SCFD1: variants seen among roughly 807,000 people sequenced by gnomAD.
The protein encoded by SCFD1 is sec1 family domain containing 1, also known as sec1 family domain-containing protein 1.
A neutral mutation model predicts 103.2 loss-of-function variants in SCFD1; 37 were observed. The observed-to-expected ratio is 0.36, with a 90% CI of 0.28 to 0.47. The LOEUF (loss-of-function observed/expected upper bound fraction) is 0.47. Among genes scored for constraint, SCFD1 ranks in the 20% least tolerant of loss-of-function variants. The probability of loss-of-function intolerance (pLI) is 1.00; values close to 1 mark genes in which losing one functional copy is unlikely to be tolerated. For missense variants in SCFD1, 639 were observed against 761.2 expected, an observed-to-expected ratio of 0.84 and a Z score of 1.89; for synonymous variants, 264 against 245.0, an observed-to-expected ratio of 1.08 and a Z score of -0.73.
At chr14:30,671,678 A>G (rs1468891765) in intron 11 of SCFD1, among the ~76,000 whole-genome samples, 1 of 152,158 alleles carries the variant, frequency 6.6e-6, no homozygotes, top group African/African-American at 2.4e-5. Flanking sequence ...ACACTTGGAG[A>G]TAGCATAAAC....
intron 21 of SCFD1, among the ~76,000 whole-genome samples, chr14:30,720,106 G>A (rs1324055663): frequency 3.3e-5 from 5 of 152,102 alleles, no homozygotes; most frequent in African/African-American, 9.7e-5. Flanking sequence ...CCAAGCTTTC[G>A]TATCTTTGTA....
At chr14:30,684,373 G>C (rs970703031) in intron 14 of SCFD1, among the ~76,000 whole-genome samples, 1 of 152,204 alleles carries the variant, frequency 6.6e-6, no homozygotes, top group African/African-American at 2.4e-5. Flanking sequence ...ACTAGTTTTA[G>C]AAAGTGCTCC....
intron 15 of SCFD1, among the ~76,000 whole-genome samples, chr14:30,699,752 T>A (rs1890949987): frequency 6.6e-6 from 1 of 152,136 alleles, no homozygotes; most frequent in Non-Finnish European, 1.5e-5. Context: ...ATAACCCAAT[T>A]CCTAGGGTGA....
rs1035876683 is a variant in SCFD1, at chr14:30,634,781, C to T, written c.312+744C>T. ...TGTTGGTTTTCCTTGTCTTGCTTGT[C>T]GCTGCGCCTGTAGGCATCAAATCTA... is the stretch of plus-strand genomic sequence containing the variant. On this transcript the variant is annotated intron_variant, in intron 4 of 24. Transcript: ENST00000458591. 5.3e-5 allele frequency: 24 copies of T among 455,648 alleles called. 2 individuals carry two copies. The highest frequency in any genetic ancestry group is 2.3e-4 in the South Asian group (15 of 64,504). The allele number at this position is 455,648 out of a possible 1,614,324, so 28.2% of individuals were successfully genotyped here. A position where few individuals can be genotyped will look rare whatever the true frequency, so the allele number is the denominator to read the frequency against.
chr14:30,657,890 A>G (rs753154184), intron 10 of SCFD1, among the ~76,000 whole-genome samples: 5 of 152,168 alleles, frequency 3.3e-5, no homozygotes, highest in African/African-American at 4.8e-5. Context: ...CTTACAAACA[A>G]CTATGAAAAT....
chr14:30,726,927 C>T (rs1164573769), intron 23 of SCFD1, among the ~76,000 whole-genome samples: 1 of 152,050 alleles, frequency 6.6e-6, no homozygotes, highest in Non-Finnish European at 1.5e-5. Flanking sequence ...TAAGTTGTTG[C>T]CATTGAGTTT....
intron 10 of SCFD1, among the ~76,000 whole-genome samples, chr14:30,666,924 CAAA>C (rs201480764): frequency 6.7e-6 from 1 of 149,840 alleles, no homozygotes; most frequent in Non-Finnish European, 1.5e-5. Context: ...CCTACCAACC[CAAA>C]AAAAAAGTCC....
Position 30,702,355 on chromosome 14 carries a change from A to G in SCFD1, c.1470A>G (p.Leu490=). 6.3e-7 allele frequency: 1 copy of G among 1,588,488 alleles called. No individual in the cohort carries two copies. The highest frequency in any genetic ancestry group is 8.6e-7 in the Non-Finnish European group (1 of 1,164,422). ...LTDAGCNLNP[L]QYIKQWKAFT... is the part of the protein sequence containing the mutation. ...ATGCAGGATGCAACCTTAATCCTTTACAATATATCAAACAGTGGAAGTAAG... is the reference window on the plus strand; with the variant it reads ...ATGCAGGATGCAACCTTAATCCTTTGCAATATATCAAACAGTGGAAGTAAG... The change falls in exon 17 of 25, where the codon TTA becomes TTG. Residue 490 remains leucine, a synonymous_variant. Coordinates refer to ENST00000458591, the MANE Select transcript of SCFD1 (RefSeq NM_016106.4).
intron 14 of SCFD1, among the ~76,000 whole-genome samples, chr14:30,682,289 G>A (rs1471460549): frequency 1.3e-5 from 2 of 152,172 alleles, no homozygotes; most frequent in East Asian, 1.9e-4. Flanking sequence ...GAAGTAAAAT[G>A]AATTTTGTTC....
At chr14:30,724,818 G>T (rs983385320) in intron 23 of SCFD1, among the ~76,000 whole-genome samples, 2 of 152,006 alleles carry the variant, frequency 1.3e-5, no homozygotes, top group Non-Finnish European at 2.9e-5. Flanking sequence ...TATAGTTTTG[G>T]GTTTAACATT....
At chr14:30,630,423 A>G (rs1353246075) in intron 2 of SCFD1, 54 bp from the exon 3 acceptor site, 6 of 961,622 alleles carry the variant, frequency 6.2e-6, no homozygotes, top group Non-Finnish European at 8.5e-6. Context: ...GTCTTAATAT[A>G]GGTTCACTAT....
chr14:30,674,104 T>C, intron 13 of SCFD1, 107 bp downstream of exon 13: 1 of 708,014 alleles, frequency 1.4e-6, no homozygotes. Context: ...CTGTAGGCAA[T>C]AGCAAATATA....
intron 18 of SCFD1, among the ~76,000 whole-genome samples, chr14:30,707,618 A>G (rs1891560043): frequency 6.6e-6 from 1 of 152,214 alleles, no homozygotes. Flanking sequence ...TACTAGCTTT[A>G]AATTGGTTTT....
chr14:30,682,295 T>C (rs1041874243), intron 14 of SCFD1, among the ~76,000 whole-genome samples: 1 of 152,250 alleles, frequency 6.6e-6, no homozygotes, highest in Non-Finnish European at 1.5e-5. Flanking sequence ...AAATGAATTT[T>C]GTTCAAGATT....
intron 23 of SCFD1, among the ~76,000 whole-genome samples, chr14:30,727,773 C>A (rs972990743): frequency 5.9e-5 from 9 of 152,070 alleles, no homozygotes; most frequent in African/African-American, 2.2e-4. Flanking sequence ...AGAGGACTTA[C>A]CTGTGGAGCT....
chr14:30,720,521 C>T (rs534693729), intron 21 of SCFD1, among the ~76,000 whole-genome samples: 1 of 152,180 alleles, frequency 6.6e-6, no homozygotes, highest in South Asian at 2.1e-4. Flanking sequence ...GCGTGGGTTC[C>T]TCATCCATGG....
chr14:30,626,031 T>A (rs907628657), intron 1 of SCFD1, among the ~76,000 whole-genome samples: 1 of 152,000 alleles, frequency 6.6e-6, no homozygotes. Flanking sequence ...AGGGTGGTGG[T>A]GTCTTTATTG....
At chr14:30,682,197 T>A (rs983300274) in intron 14 of SCFD1, among the ~76,000 whole-genome samples, 4 of 152,196 alleles carry the variant, frequency 2.6e-5, no homozygotes, top group African/African-American at 9.6e-5. Flanking sequence ...GTAAGATTGA[T>A]AATCTGTTGT....
At position 30,726,057 on chromosome 14, in the gene SCFD1, A is replaced by G. The variant is rs138798884; in HGVS notation, c.1836+3498A>G. Among the ~76,000 whole-genome samples, 438 of 152,290 alleles carry G rather than the reference A, an allele frequency of 2.9e-3. 4 individuals are homozygous for G. The highest frequency in any genetic ancestry group is 9.1e-3 in the African/African-American group (377 of 41,566). On this transcript the variant is annotated intron_variant, in intron 23 of 24. Transcript: ENST00000458591. ...GTTGCAATAGACACTTACGCATTCC[A>G]CACGCTCTTACCCTTGGTTAAGCTT...
Sources: allele counts gnomAD v4.1 joint callset (sites outside exome capture counted in the v4.1 genomes callset), GRCh38; gene constraint gnomAD v4.1.1; transcripts MANE v1.5; gene names NCBI Gene and HGNC (gene_info 2026-07-23, HGNC 2026-07-21).